FLI1: variants seen among roughly 807,000 people sequenced by gnomAD.
FLI1 encodes the protein Fli-1 proto-oncogene, ETS transcription factor.
Under a neutral mutation model 53.1 loss-of-function variants are expected in FLI1, and 13 were observed. The ratio of observed to expected loss-of-function variants is 0.24; its 90% CI spans 0.16 to 0.39. The LOEUF is 0.39. Ranked by LOEUF, FLI1 falls within the 10% of genes least tolerant of loss-of-function variation. FLI1 has a pLI of 1.00. For missense variants in FLI1, 424 were observed against 600.5 expected, an observed-to-expected ratio of 0.71 and a Z score of 3.07; for synonymous variants, 244 against 236.7, an observed-to-expected ratio of 1.03 and a Z score of -0.28.
chr11:128,748,253 T>C, intron 1 of FLI1: 1 of 984,560 alleles, frequency 1.0e-6, no homozygotes, highest in Non-Finnish European at 1.2e-6. Context: ...TTTCTCTGGG[T>C]CATCCACTGC....
At chr11:128,790,179 A>T (rs557162661) in intron 5 of FLI1, among the ~76,000 whole-genome samples, 1 of 151,908 alleles carries the variant, frequency 6.6e-6, no homozygotes, top group South Asian at 2.1e-4. Context: ...TTTATTTTTT[A>T]AAAACTGTTT....
At chr11:128,723,791 A>G (rs1939354019) in intron 1 of FLI1, among the ~76,000 whole-genome samples, 1 of 152,192 alleles carries the variant, frequency 6.6e-6, no homozygotes, top group Non-Finnish European at 1.5e-5. Context: ...GGTGTAAATG[A>G]ACACTCACAC....
chr11:128,687,637 G>T (rs1211621273), intron 1 of FLI1, among the ~76,000 whole-genome samples: 4 of 152,098 alleles, frequency 2.6e-5, no homozygotes, highest in Non-Finnish European at 5.9e-5. Context: ...GAGCTCCCTC[G>T]AGTGTCGGGC....
intron 5 of FLI1, among the ~76,000 whole-genome samples, chr11:128,794,435 C>T (rs1315054947): frequency 6.6e-6 from 1 of 152,186 alleles, no homozygotes; most frequent in Non-Finnish European, 1.5e-5. Context: ...ACCAAATTCT[C>T]ATCAACCAAA....
upstream of FLI1, among the ~76,000 whole-genome samples, chr11:128,685,433 G>T (rs1193527081): frequency 1.3e-5 from 2 of 152,212 alleles, no homozygotes; most frequent in African/African-American, 4.8e-5. Context: ...GCCTCAGTGT[G>T]TCTCGCTGCT....
intron 1 of FLI1, among the ~76,000 whole-genome samples, chr11:128,738,612 T>C (rs910779607): frequency 2.6e-5 from 4 of 152,336 alleles, no homozygotes; most frequent in South Asian, 2.1e-4. Context: ...CTGTGTGACA[T>C]TGGACAAATC....
intron 1 of FLI1, among the ~76,000 whole-genome samples, chr11:128,736,301 G>A (rs1304666599): frequency 6.6e-6 from 1 of 152,134 alleles, no homozygotes; most frequent in Non-Finnish European, 1.5e-5. Context: ...TCACATTTTG[G>A]AATCTTAAGA....
intron 6 of FLI1, 73 bp from the exon 7 acceptor site, chr11:128,807,107 C>T (rs1409477316): frequency 1.2e-5 from 10 of 841,956 alleles, no homozygotes; most frequent in African/African-American, 1.7e-5. Flanking sequence ...TGAGAAAGCA[C>T]ATCTGTCAAG....
chr11:128,706,343 C>T (rs781656359), intron 1 of FLI1, among the ~76,000 whole-genome samples: 1 of 152,194 alleles, frequency 6.6e-6, no homozygotes, highest in South Asian at 2.1e-4. Flanking sequence ...TCACTCCATA[C>T]AACGTGGCCT....
chr11:128,734,622 T>C (rs754597587), intron 1 of FLI1, among the ~76,000 whole-genome samples: 23 of 152,210 alleles, frequency 1.5e-4, no homozygotes, highest in Admixed American at 2.0e-4. Flanking sequence ...TGGCGGTCAC[T>C]TGCTCTTGGT....
chr11:128,727,467 G>A (rs74849796), intron 1 of FLI1, among the ~76,000 whole-genome samples: 3,631 of 152,334 alleles, frequency 0.024, 410 homozygotes, highest in Admixed American at 0.19. Flanking sequence ...GTCAGGCCCT[G>A]TTTCAACCTT....
intron 1 of FLI1, among the ~76,000 whole-genome samples, chr11:128,731,223 C>T (rs1316973006): frequency 2.0e-5 from 3 of 152,368 alleles, no homozygotes; most frequent in South Asian, 2.1e-4. Context: ...GCCATGCCCT[C>T]TGCTTCCTGT....
intron 1 of FLI1, among the ~76,000 whole-genome samples, chr11:128,718,911 T>C (rs1939131965): frequency 6.6e-6 from 1 of 152,236 alleles, no homozygotes; most frequent in South Asian, 2.1e-4. Context: ...TGAAAAAATC[T>C]CATGAGATCA....
intron 1 of FLI1, among the ~76,000 whole-genome samples, chr11:128,757,687 C>T (rs1281276215): frequency 6.6e-6 from 1 of 152,182 alleles, no homozygotes; most frequent in African/African-American, 2.4e-5. Context: ...TGCTGGATCT[C>T]ATCTCCCCTT....
chr11:128,797,753 G>A (rs1477252115), intron 5 of FLI1, among the ~76,000 whole-genome samples: 3 of 152,182 alleles, frequency 2.0e-5, no homozygotes, highest in African/African-American at 7.2e-5. Flanking sequence ...CAATAAGTTG[G>A]TGATGGCGAG....
chr11:128,714,193 C>G (rs1321615045), intron 1 of FLI1, among the ~76,000 whole-genome samples: 1 of 134,176 alleles, frequency 7.5e-6, no homozygotes, highest in African/African-American at 2.8e-5. Context: ...TGATATAACT[C>G]TTCACTGGCC....
chr11:128,798,913 C>G (rs1164241427), intron 5 of FLI1, among the ~76,000 whole-genome samples: 1 of 152,134 alleles, frequency 6.6e-6, no homozygotes, highest in African/African-American at 2.4e-5. Context: ...AGGCAGACCA[C>G]CTGTAGCCAT....
intron 1 of FLI1, among the ~76,000 whole-genome samples, chr11:128,736,329 G>C (rs769928676): frequency 6.6e-6 from 1 of 152,192 alleles, no homozygotes; most frequent in African/African-American, 2.4e-5. Context: ...AATGAAAGGG[G>C]TGATACGAGT....
chr11:128,700,135 T>G (rs1249131281), intron 1 of FLI1, among the ~76,000 whole-genome samples: 1 of 152,222 alleles, frequency 6.6e-6, no homozygotes, highest in Non-Finnish European at 1.5e-5. Flanking sequence ...TAGTTGTTTA[T>G]GTAGTCCCTT....
Sources: allele counts gnomAD v4.1 joint callset (sites outside exome capture counted in the v4.1 genomes callset), GRCh38; gene constraint gnomAD v4.1.1; transcripts MANE v1.5; gene names NCBI Gene and HGNC (gene_info 2026-07-23, HGNC 2026-07-21).